The following JARID2 variants were observed in gnomAD, a reference collection of about 807,000 sequenced individuals.
JARID2 encodes jumonji and AT-rich interaction domain containing 2.
Under a neutral mutation model 125.6 loss-of-function variants are expected in JARID2, and 21 were observed. The observed-to-expected ratio is 0.17, with a 90% CI of 0.12 to 0.24. The LOEUF (loss-of-function observed/expected upper bound fraction) is 0.24. Ranked by LOEUF, JARID2 falls within the 10% of genes least tolerant of loss-of-function variation. The pLI, the probability that JARID2 is intolerant of heterozygous loss-of-function variation, is 1.00. For synonymous variants in JARID2, 736 were observed against 661.6 expected, an observed-to-expected ratio of 1.11 and a Z score of -1.73; for missense variants, 1,303 against 1,639.6, an observed-to-expected ratio of 0.79 and a Z score of 3.55.
chr6:15,435,257 G>A (rs1383356196), intron 3 of JARID2, among the ~76,000 whole-genome samples: 3 of 152,198 alleles, frequency 2.0e-5, no homozygotes, highest in African/African-American at 4.8e-5. Flanking sequence ...GAGGGTTCAT[G>A]TATGTTTTTG....
At chr6:15,368,658 G>A (rs1363356855) in intron 1 of JARID2, 1 of 483,086 alleles carries the variant, frequency 2.1e-6, no homozygotes, top group African/African-American at 1.9e-5. Flanking sequence ...GCATTACTTA[G>A]TGCCATACCT....
chr6:15,457,074 T>G (rs1299528764), intron 4 of JARID2, among the ~76,000 whole-genome samples: 1 of 152,148 alleles, frequency 6.6e-6, no homozygotes, highest in African/African-American at 2.4e-5. Context: ...ATAATACATA[T>G]TTTTCCTGAA....
intron 3 of JARID2, among the ~76,000 whole-genome samples, chr6:15,422,079 A>G (rs1369315416): frequency 6.6e-6 from 1 of 152,212 alleles, no homozygotes; most frequent in Non-Finnish European, 1.5e-5. Context: ...CAGCTCCCGA[A>G]ATCCTCTCTT....
rs113118756 is a variant in JARID2 at position 15,520,680 on chromosome 6, GAC to G, written c.*434_*435del. On this transcript the variant is annotated 3_prime_UTR_variant, in exon 18 of 18. Transcript: ENST00000341776. The stretch of plus-strand genomic sequence containing the variant: ...AGCAGATTTTTTAGAAGGGATAGGA[GAC>G]ACACGCGCACACACACACACACACG... The G allele has an allele frequency of 0.15, 61,604 of 400,888 alleles. 4,974 individuals carry two copies. The highest frequency in any genetic ancestry group is 0.32 in the Middle Eastern group (926 of 2,852). 24.8% of individuals were successfully genotyped at this position (400,888 alleles called of 1,614,324 possible).
At chr6:15,455,677 G>A (rs949450315) in intron 4 of JARID2, among the ~76,000 whole-genome samples, 8 of 152,068 alleles carry the variant, frequency 5.3e-5, no homozygotes, top group Admixed American at 1.3e-4. Flanking sequence ...GATTACAGGC[G>A]CCCACCACTA....
At chr6:15,466,644 T>C (rs1196791587) in intron 4 of JARID2, among the ~76,000 whole-genome samples, 1 of 152,230 alleles carries the variant, frequency 6.6e-6, no homozygotes, top group African/African-American at 2.4e-5. Context: ...AACAACATTG[T>C]TGTATTTGAT....
intron 4 of JARID2, among the ~76,000 whole-genome samples, chr6:15,458,575 T>C (rs1238463514): frequency 1.3e-5 from 2 of 152,212 alleles, no homozygotes; most frequent in Non-Finnish European, 2.9e-5. Context: ...ATTAAACTCT[T>C]TTTGTATGCT....
chr6:15,420,545 T>G (rs1766439248), intron 3 of JARID2, among the ~76,000 whole-genome samples: 1 of 152,212 alleles, frequency 6.6e-6, no homozygotes, highest in African/African-American at 2.4e-5. Flanking sequence ...TCTTCCATTA[T>G]TTACAAAACA....
chr6:15,521,187 C>A lies in JARID2; in HGVS notation c.*936C>A, dbSNP rs116104358. On this transcript the variant is annotated 3_prime_UTR_variant, in exon 18 of 18. Transcript: ENST00000341776. ...CCATCTCACCGCTTCTTGTTTGACA[C>A]CTTCACAAGTCAGCATTAATCTTTC... The A allele has an allele frequency of 3.1e-3, 485 of 156,844 alleles. 1 individual carries two copies. The highest frequency in any genetic ancestry group is 0.011 in the African/African-American group (449 of 41,492). The allele number at this position is 156,844 out of a possible 1,614,324, so 9.7% of individuals were successfully genotyped here.
chr6:15,354,712 A>G (rs1317724734), intron 1 of JARID2, among the ~76,000 whole-genome samples: 1 of 152,228 alleles, frequency 6.6e-6, no homozygotes, highest in Non-Finnish European at 1.5e-5. Flanking sequence ...ATCGAATGCT[A>G]CTTAGCTGGG....
chr6:15,501,993 C>T (rs1013279322), intron 8 of JARID2, among the ~76,000 whole-genome samples: 2 of 152,202 alleles, frequency 1.3e-5, no homozygotes, highest in Admixed American at 6.5e-5. Flanking sequence ...TTTCTATCCG[C>T]TCACCTCACT....
At chr6:15,407,327 A>T (rs1397645620) in intron 2 of JARID2, among the ~76,000 whole-genome samples, 1 of 152,112 alleles carries the variant, frequency 6.6e-6, no homozygotes, top group Non-Finnish European at 1.5e-5. Context: ...GTCACCTGGG[A>T]ATGTGTTAGA....
intron 1 of JARID2, among the ~76,000 whole-genome samples, chr6:15,320,846 C>CTGTGTGTG (rs1302118188): frequency 7.5e-5 from 10 of 133,514 alleles, no homozygotes; most frequent in African/African-American, 3.0e-4. Context: ...CATTCTCTCT[C>CTGTGTGTG]TCTCTCTGTG....
At chr6:15,335,559 A>G (rs1427869671) in intron 1 of JARID2, among the ~76,000 whole-genome samples, 1 of 152,116 alleles carries the variant, frequency 6.6e-6, no homozygotes, top group African/African-American at 2.4e-5. Flanking sequence ...GCCATCATTC[A>G]TTCTTTGTTC....
At chr6:15,316,105 G>A (rs191400460) in intron 1 of JARID2, among the ~76,000 whole-genome samples, 1 of 151,928 alleles carries the variant, frequency 6.6e-6, no homozygotes, top group African/African-American at 2.4e-5. Context: ...TTGAAAACAT[G>A]TGTGAAATAC....
At chr6:15,332,010 C>G (rs578185787) in intron 1 of JARID2, among the ~76,000 whole-genome samples, 2 of 152,122 alleles carry the variant, frequency 1.3e-5, no homozygotes, top group South Asian at 2.1e-4. Flanking sequence ...CTAAGCCAGT[C>G]CATTAGAACT....
chr6:15,516,898 C>T (rs1771588490), intron 16 of JARID2, among the ~76,000 whole-genome samples: 1 of 152,192 alleles, frequency 6.6e-6, no homozygotes, highest in African/African-American at 2.4e-5. Context: ...ACTTGAGGGC[C>T]ACTCCCAGGT....
rs12111494 is a variant in JARID2, at chr6:15,269,034, G to T, written c.45+22450G>T. On this transcript the variant is annotated intron_variant, in intron 1 of 17. Coordinates refer to ENST00000341776, the MANE Select transcript of JARID2 (RefSeq NM_004973.4). ...GGAAATTTAAAGGCCTACTTGTCTG[G>T]TGTGTGCTTGGGGAATGTCCTAGAA... is the stretch of plus-strand genomic sequence containing the variant. Among the ~76,000 whole-genome samples the T allele has an allele frequency of 2.0e-3, 312 of 152,290 alleles. 2 individuals are homozygous for T. The highest frequency in any genetic ancestry group is 7.1e-3 in the African/African-American group (294 of 41,550).
intron 2 of JARID2, among the ~76,000 whole-genome samples, chr6:15,385,324 T>C (rs1219893988): frequency 6.6e-6 from 1 of 152,144 alleles, no homozygotes; most frequent in Non-Finnish European, 1.5e-5. Context: ...TACCCTGGAA[T>C]GTTCCTTGAA....
Sources: allele counts gnomAD v4.1 joint callset (sites outside exome capture counted in the v4.1 genomes callset), GRCh38; gene constraint gnomAD v4.1.1; transcripts MANE v1.5; gene names NCBI Gene and HGNC (gene_info 2026-07-23, HGNC 2026-07-21).